The following ZNF704 variants were observed in gnomAD, a reference collection of about 807,000 sequenced individuals.
ZNF704 encodes zinc finger protein 704.
In ZNF704, 10 loss-of-function variants were observed where a neutral mutation model predicts 44.7. The ratio of observed to expected loss-of-function variants is 0.22; its 90% confidence interval spans 0.14 to 0.38. The LOEUF (loss-of-function observed/expected upper bound fraction) is 0.38, where lower values mean the gene tolerates loss of function less well. Among genes scored for constraint, ZNF704 ranks in the 10% least tolerant of loss-of-function variants. The pLI is 1.00. For missense variants in ZNF704, 390 were observed against 545.5 expected (o/e 0.71, Z 2.84); for synonymous variants, 211 against 207.6 (o/e 1.02, Z -0.14).
intron 7 of ZNF704, among the ~76,000 whole-genome samples, chr8:80,651,190 T>C (rs912384261): frequency 2.6e-5 from 4 of 151,822 alleles, no homozygotes; most frequent in African/African-American, 4.8e-5. Flanking sequence ...AAGGAACAAC[T>C]GGTACCAGCC....
intron 2 of ZNF704, among the ~76,000 whole-genome samples, chr8:80,716,280 CT>C (rs1819071217): frequency 6.6e-6 from 1 of 152,118 alleles, no homozygotes; most frequent in Admixed American, 6.5e-5. Flanking sequence ...CTTCAAAGGC[CT>C]TGGTGCTCAC....
chr8:80,725,164 G>A (rs2131674361), intron 2 of ZNF704, among the ~76,000 whole-genome samples: 2 of 152,258 alleles, frequency 1.3e-5, no homozygotes, highest in Middle Eastern at 6.8e-3. Flanking sequence ...TTTATTAGAG[G>A]TTCCAGCAAA....
upstream of ZNF704, among the ~76,000 whole-genome samples, chr8:80,877,412 G>A (rs1460882800): frequency 6.6e-6 from 1 of 152,102 alleles, no homozygotes; most frequent in Non-Finnish European, 1.5e-5. Context: ...AACTCATCAG[G>A]AATCAAGAAA....
At position 80,824,992 on chromosome 8, in the gene ZNF704, G is replaced by A. The variant is rs1293753661; in HGVS notation, c.-21-3377C>T. 1.1e-4 allele frequency among the ~76,000 whole-genome samples: 17 copies of A among 152,204 alleles called. No homozygotes were observed. In the South Asian group the frequency reaches 1.5e-3, roughly 13 times the overall value. On this transcript the variant is annotated intron_variant, in intron 1 of 8. Transcript: ENST00000327835. ...AACATGCCAAATTGTAAAGACCATC[G>A]AGGCTAGGAAGAAACCGCATCAACT...
intron 1 of ZNF704, among the ~76,000 whole-genome samples, chr8:80,841,723 G>A (rs191519882): frequency 1.3e-5 from 2 of 152,294 alleles, no homozygotes; most frequent in Admixed American, 1.3e-4. Flanking sequence ...ATCCCTAGCA[G>A]AGATACATAT....
chr8:80,642,082 T>C lies in ZNF704; in HGVS notation c.1128-605A>G, dbSNP rs1233544534. ...TTCAAATGCTTCCACCATTCTCAATTTCTAGTACAGCAGTCCCTGCTAAGG... is the reference window on the plus strand; with the variant it reads ...TTCAAATGCTTCCACCATTCTCAATCTCTAGTACAGCAGTCCCTGCTAAGG... On this transcript the variant is annotated intron_variant, in intron 8 of 8. Transcript: ENST00000327835. Among the ~76,000 whole-genome samples, 8 of 152,280 alleles carry C rather than the reference T, an allele frequency of 5.3e-5. No individual in the cohort carries two copies. In the East Asian group the frequency reaches 1.5e-3, roughly 29 times the overall value.
intron 1 of ZNF704, among the ~76,000 whole-genome samples, chr8:80,823,570 T>C (rs185473249): frequency 1.1e-4 from 17 of 152,136 alleles, no homozygotes; most frequent in African/African-American, 3.4e-4. Context: ...TTGAAGAGAG[T>C]AGTGGTGCTC....
chr8:80,835,238 T>C (rs925408942), intron 1 of ZNF704, among the ~76,000 whole-genome samples: 1 of 152,212 alleles, frequency 6.6e-6, no homozygotes, highest in African/African-American at 2.4e-5. Context: ...TAAAGTCCAA[T>C]ACTAAATTTA....
At chr8:80,858,447 T>C (rs1282012010) in intron 1 of ZNF704, among the ~76,000 whole-genome samples, 3 of 152,190 alleles carry the variant, frequency 2.0e-5, no homozygotes, top group African/African-American at 4.8e-5. Context: ...AGAATATTGA[T>C]GGAGCTGGGC....
intron 2 of ZNF704, among the ~76,000 whole-genome samples, chr8:80,758,086 C>A (rs1263180669): frequency 6.6e-6 from 1 of 152,174 alleles, no homozygotes; most frequent in Non-Finnish European, 1.5e-5. Context: ...TATAGCTGTG[C>A]CTTTGGAGCA....
intron 2 of ZNF704, among the ~76,000 whole-genome samples, chr8:80,778,892 G>A (rs912018740): frequency 2.0e-5 from 3 of 152,030 alleles, no homozygotes; most frequent in African/African-American, 7.2e-5. Flanking sequence ...GAGCAGAAAA[G>A]ATAACTATTG....
rs375559996 is a variant in ZNF704 at position 80,650,350 on chromosome 8, A to G, written c.1033-7221T>C. Among the ~76,000 whole-genome samples, 5 of 152,356 alleles carry G rather than the reference A, an allele frequency of 3.3e-5. No individual in the cohort carries two copies. The East Asian group carries it at 7.7e-4, about 24-fold the overall frequency. ...TGACAAGTTGAGAGAAGAAGGCTTC[A>G]GACGATCAAACTACTCCGAGCTAAA... On this transcript the variant is annotated intron_variant, in intron 7 of 8. Transcript: ENST00000327835.
chr8:80,842,306 T>C (rs2129968799), intron 1 of ZNF704, among the ~76,000 whole-genome samples: 1 of 152,268 alleles, frequency 6.6e-6, no homozygotes. Context: ...ACAGGTTAGC[T>C]AAAAGGAACA....
At chr8:80,664,293 G>A (rs1479544825) in intron 6 of ZNF704, among the ~76,000 whole-genome samples, 1 of 138,988 alleles carries the variant, frequency 7.2e-6, no homozygotes, top group East Asian at 2.1e-4. Flanking sequence ...TTTTTTTTGA[G>A]ACAGAGTTTT....
At chr8:80,861,356 C>G (rs761023049) in intron 1 of ZNF704, among the ~76,000 whole-genome samples, 9 of 152,234 alleles carry the variant, frequency 5.9e-5, no homozygotes, top group Non-Finnish European at 8.8e-5. Context: ...CACATTAACC[C>G]TCTCCTTTCC....
chr8:80,669,780 A>G (rs1409389460), intron 5 of ZNF704, among the ~76,000 whole-genome samples: 1 of 152,184 alleles, frequency 6.6e-6, no homozygotes, highest in East Asian at 1.9e-4. Flanking sequence ...TCCCTGGGCA[A>G]GATAGACTCA....
intron 4 of ZNF704, among the ~76,000 whole-genome samples, chr8:80,677,276 GT>G (rs1333025812): frequency 4.6e-5 from 7 of 152,166 alleles, no homozygotes; most frequent in African/African-American, 1.7e-4. Flanking sequence ...GCCATAACAA[GT>G]ACTATTTACA....
chr8:80,659,720 T>A, intron 6 of ZNF704, 31 bp from the exon 7 acceptor site: 1 of 1,598,962 alleles, frequency 6.3e-7, no homozygotes, highest in East Asian at 2.2e-5. Flanking sequence ...AAAGCTGTTA[T>A]GAAGGAATAT....
At chr8:80,664,737 T>G in intron 6 of ZNF704, 78 bp downstream of exon 6, 8 of 1,566,520 alleles carry the variant, frequency 5.1e-6, no homozygotes, top group Middle Eastern at 1.8e-4. Context: ...CACTGAGTTG[T>G]CTTTTACTCA....
Sources: gnomAD v4.1 joint callset for allele counts (sites outside exome capture counted in the v4.1 genomes callset) on GRCh38, gnomAD v4.1.1 for gene constraint, MANE v1.5 for transcripts, NCBI Gene and HGNC (gene_info 2026-07-23, HGNC 2026-07-21) for gene names.